DOCK4: variants seen among roughly 807,000 people sequenced by gnomAD.
DOCK4 encodes dedicator of cytokinesis protein 4.
A neutral mutation model predicts 268.1 loss-of-function variants in DOCK4; 97 were observed. The observed-to-expected ratio is 0.36, with a 90% CI of 0.31 to 0.43. The LOEUF (loss-of-function observed/expected upper bound fraction) is 0.43. Ranked by LOEUF, DOCK4 falls within the 20% of genes least tolerant of loss-of-function variation. DOCK4 has a pLI of 1.00. For synonymous variants in DOCK4, 954 were observed against 887.2 expected (o/e 1.08, Z -1.34); for missense variants, 2,145 against 2,455.7 (o/e 0.87, Z 2.67).
intron 1 of DOCK4, among the ~76,000 whole-genome samples, chr7:112,067,651 A>G (rs1586755149): frequency 6.6e-6 from 1 of 152,256 alleles, no homozygotes; most frequent in East Asian, 1.9e-4. Context: ...GAAAATGGGC[A>G]GAGATGAGTT....
chr7:111,784,655 T>C (rs2133771841), intron 32 of DOCK4, among the ~76,000 whole-genome samples: 1 of 152,280 alleles, frequency 6.6e-6, no homozygotes, highest in East Asian at 1.9e-4. Context: ...CCTAAGCACC[T>C]TGGAGCACAG....
rs548865501 is a variant in DOCK4 at position 111,970,456 on chromosome 7, G to GA, written c.701+6675dup. Among the ~76,000 whole-genome samples, 237 of 152,236 alleles carry GA rather than the reference G, an allele frequency of 1.6e-3. 2 individuals carry two copies. Among genetic ancestry groups the GA allele is most frequent in the East Asian group, 7.5e-3 (39 of 5,176 alleles). On this transcript the variant is annotated intron_variant, in intron 8 of 52. Coordinates refer to ENST00000428084, the MANE Select transcript of DOCK4 (RefSeq NM_001363540.2). ...CTTAAAGAGCTTAGAATGGTGCCTGGAATATAATAAGCATTACATAAGTGT... is the reference window on the plus strand; with the variant it reads ...CTTAAAGAGCTTAGAATGGTGCCTGGAAATATAATAAGCATTACATAAGTGT...
chr7:111,793,761 G>T (rs1799709013), intron 30 of DOCK4, among the ~76,000 whole-genome samples: 1 of 152,132 alleles, frequency 6.6e-6, no homozygotes, highest in Non-Finnish European at 1.5e-5. Context: ...AACGCCTGCA[G>T]TCCCAGCACT....
At position 111,905,724 on chromosome 7, in the gene DOCK4, G is replaced by A. The variant is rs529614831; in HGVS notation, c.1193-3923C>T. ...GTGTGTGTGTGTGCACGTGTATTGCGTATACACACACACACAAGCTGGATA... is the reference window on the plus strand; with the variant it reads ...GTGTGTGTGTGTGCACGTGTATTGCATATACACACACACACAAGCTGGATA... On this transcript the variant is annotated intron_variant, in intron 13 of 52. Coordinates refer to ENST00000428084, the MANE Select transcript of DOCK4 (RefSeq NM_001363540.2). Among the ~76,000 whole-genome samples the A allele has an allele frequency of 2.6e-4, 39 of 148,768 alleles. 1 individual carries two copies. Among genetic ancestry groups the A allele is most frequent in the South Asian group, 1.3e-3 (6 of 4,734 alleles).
At chr7:111,809,007 A>T in intron 29 of DOCK4, 128 bp from the exon 30 acceptor site, 8 of 1,023,392 alleles carry the variant, frequency 7.8e-6, no homozygotes, top group Non-Finnish European at 1.2e-5. Flanking sequence ...GACATTTAAT[A>T]TACATGTCAC....
chr7:112,185,746 G>T (rs1285000073), intron 1 of DOCK4, among the ~76,000 whole-genome samples: 1 of 152,188 alleles, frequency 6.6e-6, no homozygotes, highest in East Asian at 1.9e-4. Flanking sequence ...GGACAGGCAG[G>T]TCTCTACTTA....
At chr7:112,086,562 G>A (rs1809112360) in intron 1 of DOCK4, among the ~76,000 whole-genome samples, 1 of 152,106 alleles carries the variant, frequency 6.6e-6, no homozygotes, top group Admixed American at 6.5e-5. Context: ...AGCAGTGTAT[G>A]AGACACAGGT....
intron 8 of DOCK4, among the ~76,000 whole-genome samples, chr7:111,956,573 G>T (rs192614419): frequency 1.3e-5 from 2 of 152,138 alleles, no homozygotes; most frequent in Non-Finnish European, 2.9e-5. Context: ...CAGATAAGAG[G>T]TTAAATATCT....
chr7:111,826,408 T>C (rs900756475), intron 26 of DOCK4, among the ~76,000 whole-genome samples: 3 of 152,314 alleles, frequency 2.0e-5, no homozygotes, highest in East Asian at 1.9e-4. Flanking sequence ...TTTGAGAGGA[T>C]CGAATTTGTG....
At chr7:111,735,785 G>A (rs1389508588) in intron 50 of DOCK4, among the ~76,000 whole-genome samples, 2 of 152,188 alleles carry the variant, frequency 1.3e-5, no homozygotes, top group African/African-American at 4.8e-5. Flanking sequence ...GGCAGGACAC[G>A]CTGGTTGTAA....
At chr7:111,896,076 T>C (rs774079829) in intron 15 of DOCK4, among the ~76,000 whole-genome samples, 1 of 152,160 alleles carries the variant, frequency 6.6e-6, no homozygotes, top group Non-Finnish European at 1.5e-5. Flanking sequence ...AGTAGGTGCT[T>C]AATAAATATA....
At chr7:111,785,403 T>A (rs1200271977) in intron 32 of DOCK4, among the ~76,000 whole-genome samples, 1 of 152,176 alleles carries the variant, frequency 6.6e-6, no homozygotes, top group Non-Finnish European at 1.5e-5. Flanking sequence ...CTTTAGAGGC[T>A]GAAAAACAAA....
At chr7:111,951,063 G>GT (rs1343389901) in intron 8 of DOCK4, among the ~76,000 whole-genome samples, 3 of 152,068 alleles carry the variant, frequency 2.0e-5, no homozygotes, top group Non-Finnish European at 2.9e-5. Context: ...TGAATTCCAT[G>GT]TATGAGTCAT....
chr7:112,075,300 G>A (rs1807961369), intron 1 of DOCK4, among the ~76,000 whole-genome samples: 1 of 152,136 alleles, frequency 6.6e-6, no homozygotes, highest in Admixed American at 6.5e-5. Context: ...AGGCAAGACT[G>A]GAGGAGGGAC....
intron 1 of DOCK4, among the ~76,000 whole-genome samples, chr7:112,153,629 G>A (rs1390114694): frequency 6.6e-6 from 1 of 152,108 alleles, no homozygotes; most frequent in African/African-American, 2.4e-5. Context: ...TTCTTCATGA[G>A]CTAAGCCATA....
At chr7:111,836,526 T>C (rs1803258697) in intron 25 of DOCK4, among the ~76,000 whole-genome samples, 1 of 151,510 alleles carries the variant, frequency 6.6e-6, no homozygotes, top group African/African-American at 2.4e-5. Context: ...ATGACGCAAA[T>C]GAGGAGAAAA....
intron 36 of DOCK4, among the ~76,000 whole-genome samples, chr7:111,772,443 C>T (rs1798179816): frequency 6.6e-6 from 1 of 152,004 alleles, no homozygotes. Context: ...TACTTAATAC[C>T]ACTGAACTGT....
chr7:111,789,081 CT>C (rs1311354716), intron 31 of DOCK4: 13 of 327,990 alleles, frequency 4.0e-5, no homozygotes, highest in South Asian at 8.0e-5. Flanking sequence ...TTTCTTTTTT[CT>C]TTTTTTTAAA....
intron 1 of DOCK4, among the ~76,000 whole-genome samples, chr7:112,073,216 C>T (rs1251931321): frequency 6.6e-6 from 1 of 152,006 alleles, no homozygotes; most frequent in Non-Finnish European, 1.5e-5. Flanking sequence ...CAAGTTTTTT[C>T]TTCTGAGGAG....
Sources: gnomAD v4.1 joint callset for allele counts (sites outside exome capture counted in the v4.1 genomes callset) on GRCh38, gnomAD v4.1.1 for gene constraint, MANE v1.5 for transcripts, NCBI Gene and HGNC (gene_info 2026-07-23, HGNC 2026-07-21) for gene names.